ATP2C2: variants seen among roughly 807,000 people sequenced by gnomAD.
The protein encoded by ATP2C2 is calcium-transporting ATPase type 2C member 2.
A neutral mutation model predicts 110.8 loss-of-function variants in ATP2C2; 171 were observed. That is an observed-to-expected ratio of 1.54 (90% CI 1.36 to 1.75). The LOEUF is 1.75. ATP2C2 is among the 40% of genes most tolerant of loss of function. The pLI is 0.00. For synonymous variants in ATP2C2, 804 were observed against 508.4 expected (o/e 1.58, Z -7.82); for missense variants, 1,963 against 1,235.0 (o/e 1.59, Z -8.84).
At chr16:84,441,977 A>G (rs2150569763) in intron 14 of ATP2C2, among the ~76,000 whole-genome samples, 1 of 152,278 alleles carries the variant, frequency 6.6e-6, no homozygotes, top group East Asian at 1.9e-4. Flanking sequence ...ATAAAAAAGA[A>G]AAGAAAAGAA....
chr16:84,396,007 C>A (rs1057379510), intron 1 of ATP2C2, among the ~76,000 whole-genome samples: 2 of 152,152 alleles, frequency 1.3e-5, no homozygotes, highest in African/African-American at 2.4e-5. Flanking sequence ...CCTCTGCTCT[C>A]CTTTCTGTCT....
intron 20 of ATP2C2, among the ~76,000 whole-genome samples, chr16:84,453,686 A>T (rs974043838): frequency 2.0e-5 from 3 of 152,174 alleles, no homozygotes; most frequent in African/African-American, 7.2e-5. Flanking sequence ...GGGAAGTGTC[A>T]TCTGTAGCTG....
intron 6 of ATP2C2, among the ~76,000 whole-genome samples, chr16:84,412,325 C>CAT (rs1555557464): frequency 6.2e-5 from 8 of 128,834 alleles, no homozygotes; most frequent in African/African-American, 2.2e-4. Context: ...CGTGTGTGTG[C>CAT]GTGTGTGTCT....
At chr16:84,397,292 T>C (rs959750238) in intron 1 of ATP2C2, among the ~76,000 whole-genome samples, 1 of 151,622 alleles carries the variant, frequency 6.6e-6, no homozygotes, top group Admixed American at 6.6e-5. Context: ...CCCTTTTCTT[T>C]GGTTATTTAA....
At chr16:84,430,324 G>A (rs1908155302) in intron 11 of ATP2C2, among the ~76,000 whole-genome samples, 1 of 152,168 alleles carries the variant, frequency 6.6e-6, no homozygotes, top group Non-Finnish European at 1.5e-5. Context: ...GTTGCCAAGA[G>A]CAGCCTGCAG....
chr16:84,461,194 T>G, intron 24 of ATP2C2: 1 of 253,354 alleles, frequency 3.9e-6, no homozygotes. Context: ...GGTCACCTTT[T>G]CATGGCCTGC....
At chr16:84,397,804 G>A (rs117461195) in intron 1 of ATP2C2, among the ~76,000 whole-genome samples, 6,687 of 151,832 alleles carry the variant, frequency 0.044, 229 homozygotes, top group Admixed American at 0.06. Flanking sequence ...GAAAATTAGC[G>A]TACTGTTGCT....
At chr16:84,423,952 C>T (rs1254280022) in intron 10 of ATP2C2, among the ~76,000 whole-genome samples, 4 of 152,214 alleles carry the variant, frequency 2.6e-5, no homozygotes, top group African/African-American at 9.6e-5. Flanking sequence ...TAGTGCTGCC[C>T]CAGTCCCTTC....
chr16:84,414,435 C>T (rs1442653365), intron 6 of ATP2C2, among the ~76,000 whole-genome samples: 1 of 152,174 alleles, frequency 6.6e-6, no homozygotes, highest in Non-Finnish European at 1.5e-5. Context: ...GCATCACAGC[C>T]AAACACGCAA....
intron 24 of ATP2C2, chr16:84,461,464 AGTG>A: frequency 3.4e-6 from 2 of 579,996 alleles, no homozygotes; most frequent in South Asian, 4.2e-5. Context: ...TCCTGGAGGA[AGTG>A]GTGTTTCCTC....
chr16:84,424,598 T>TC (rs1350087934), intron 10 of ATP2C2, among the ~76,000 whole-genome samples: 1 of 132,206 alleles, frequency 7.6e-6, no homozygotes, highest in Admixed American at 7.6e-5. Flanking sequence ...TTTTTTTTTT[T>TC]TAACATTTTG....
At chr16:84,422,928 G>A (rs1490284901) in intron 9 of ATP2C2, among the ~76,000 whole-genome samples, 1 of 151,924 alleles carries the variant, frequency 6.6e-6, no homozygotes, top group Non-Finnish European at 1.5e-5. Context: ...GCCTCCCAAA[G>A]TGCCAGGATT....
In ATP2C2 at chr16:84,408,469, A is replaced by G; in HGVS notation, c.392A>G (p.Tyr131Cys). The change falls in exon 4 of 27, where the codon TAT (tyrosine) becomes TGT (cysteine). Residue 131 changes from tyrosine to cysteine, a missense_variant. Physicochemically the swap from Tyr to Cys is radical, Grantham distance 194. Transcript: ENST00000262429. The stretch of plus-strand genomic sequence containing the variant: ...CTGGTGAGTGTCCTCACCAAGGAGT[A>G]TGAGGACGCCGTCAGCATCGCCACG... Reference protein sequence around the residue: ...SALVSVLTKEYEDAVSIATAV... With the variant: ...SALVSVLTKECEDAVSIATAV... The G allele has an allele frequency of 1.6e-5, 26 of 1,613,620 alleles. No individual in the cohort carries two copies. Among genetic ancestry groups the G allele is most frequent in the Non-Finnish European group, 2.1e-5 (25 of 1,179,966 alleles).
intron 11 of ATP2C2, chr16:84,426,124 C>T (rs1907794418): frequency 3.5e-6 from 1 of 283,816 alleles, no homozygotes; most frequent in Non-Finnish European, 6.9e-6. Context: ...GTTCTACAGG[C>T]CGTACAGGAA....
At chr16:84,453,648 G>A (rs1029931706) in intron 20 of ATP2C2, among the ~76,000 whole-genome samples, 6 of 152,150 alleles carry the variant, frequency 3.9e-5, no homozygotes, top group South Asian at 2.1e-4. Flanking sequence ...ACACAGTCAC[G>A]GGCCCAGGTT....
At chr16:84,390,248 G>A (rs1485202990) in intron 1 of ATP2C2, among the ~76,000 whole-genome samples, 1 of 152,254 alleles carries the variant, frequency 6.6e-6, no homozygotes, top group African/African-American at 2.4e-5. Context: ...GCCACAGCGG[G>A]GCTGGACTGA....
At chr16:84,416,511 C>T (rs1906847510) in intron 7 of ATP2C2, among the ~76,000 whole-genome samples, 2 of 152,146 alleles carry the variant, frequency 1.3e-5, no homozygotes, top group African/African-American at 2.4e-5. Context: ...GAGAAGAGCA[C>T]AAAGGGTTGG....
intron 11 of ATP2C2, among the ~76,000 whole-genome samples, chr16:84,438,587 G>C (rs555467015): frequency 6.6e-6 from 1 of 152,296 alleles, no homozygotes; most frequent in South Asian, 2.1e-4. Flanking sequence ...GGGTCGCACC[G>C]TACAGGGAGA....
rs1241060635 is a variant in ATP2C2 at position 84,410,520 on chromosome 16, C to CT, written c.418-47dup. On this transcript the variant is annotated intron_variant, in intron 4 of 26. Transcript: ENST00000262429. ...CCTAGCCTGCCACGCCCTGTCCCCC[C>CT]TCCCACTGAGCCTCTGGTACTGACA... 4 of 1,600,486 alleles carry CT rather than the reference C, an allele frequency of 2.5e-6. No individual in the cohort carries two copies. The Admixed American group carries it at 6.7e-5, about 27-fold the overall frequency.
Sources: allele counts gnomAD v4.1 joint callset (sites outside exome capture counted in the v4.1 genomes callset), GRCh38; gene constraint gnomAD v4.1.1; transcripts MANE v1.5; gene names NCBI Gene and HGNC (gene_info 2026-07-23, HGNC 2026-07-21).